VPS8: variants seen among roughly 807,000 people sequenced by gnomAD.
The protein encoded by VPS8 is vacuolar protein sorting-associated protein 8 homolog.
Under a neutral mutation model 216.4 loss-of-function variants are expected in VPS8, and 129 were observed. The observed-to-expected ratio is 0.60, with a 90% CI of 0.52 to 0.69. VPS8 has a LOEUF of 0.69. VPS8 is among the 30% of genes least tolerant of loss of function. VPS8 has a pLI of 0.00. For synonymous variants in VPS8, 571 were observed against 565.4 expected, an observed-to-expected ratio of 1.01 and a Z score of -0.14; for missense variants, 1,531 against 1,683.5, an observed-to-expected ratio of 0.91 and a Z score of 1.59.
chr3:184,993,895 A>T, intron 42 of VPS8, 88 bp from the exon 43 acceptor site: 1 of 1,043,082 alleles, frequency 9.6e-7, no homozygotes, highest in Non-Finnish European at 1.4e-6. Flanking sequence ...AAAAATACTT[A>T]AAAGCATTTG....
At chr3:184,969,428 C>CTT (rs869093296) in intron 39 of VPS8, among the ~76,000 whole-genome samples, 3 of 32,734 alleles carry the variant, frequency 9.2e-5, no homozygotes, top group African/African-American at 1.4e-4. Flanking sequence ...ACCCCCCCCC[C>CTT]TTTTTTTTTT....
At chr3:184,851,465 ATGTGTGTG>A (rs10657242) in intron 10 of VPS8, among the ~76,000 whole-genome samples, 1 of 150,934 alleles carries the variant, frequency 6.6e-6, no homozygotes. Context: ...ATGGATATTT[ATGTGTGTG>A]TGTGTGTGTG....
intron 46 of VPS8, among the ~76,000 whole-genome samples, chr3:185,025,653 A>G (rs1757240407): frequency 6.6e-6 from 1 of 152,230 alleles, no homozygotes; most frequent in African/African-American, 2.4e-5. Flanking sequence ...GATACTTAGA[A>G]CCATCACACT....
At chr3:185,026,262 C>T (rs1757332839) in intron 46 of VPS8, among the ~76,000 whole-genome samples, 1 of 151,974 alleles carries the variant, frequency 6.6e-6, no homozygotes, top group South Asian at 2.1e-4. Context: ...TATAAGTAAT[C>T]TAAAGATGAT....
intron 36 of VPS8, chr3:184,944,512 G>C (rs1743326453): frequency 1.0e-6 from 1 of 985,382 alleles, no homozygotes; most frequent in Non-Finnish European, 1.2e-6. Flanking sequence ...CTTATGCAGT[G>C]GGGATGCTTA....
intron 21 of VPS8, among the ~76,000 whole-genome samples, chr3:184,884,277 G>A (rs1478229947): frequency 6.6e-6 from 1 of 151,984 alleles, no homozygotes; most frequent in Non-Finnish European, 1.5e-5. Flanking sequence ...CTGTGTCCAA[G>A]TGTTCTCATT....
chr3:184,847,715 A>G (rs915336622), intron 8 of VPS8, among the ~76,000 whole-genome samples: 1 of 152,212 alleles, frequency 6.6e-6, no homozygotes, highest in African/African-American at 2.4e-5. Context: ...TATAATAATG[A>G]ACTCTAGACA....
intron 25 of VPS8, among the ~76,000 whole-genome samples, chr3:184,907,472 T>G (rs944355991): frequency 6.6e-6 from 1 of 152,230 alleles, no homozygotes; most frequent in African/African-American, 2.4e-5. Context: ...GGATCAGGTT[T>G]GCCTGACATT....
rs996592455 is a variant in VPS8, at chr3:184,954,738, G to A, written c.3036-2636G>A. On this transcript the variant is annotated intron_variant, in intron 36 of 47. Coordinates refer to ENST00000625842, the MANE Select transcript of VPS8 (RefSeq NM_001009921.3). The stretch of plus-strand genomic sequence containing the variant: ...CCCTCTATTCTTCGTTTTTGTGGGC[G>A]AAAGATTACCTAGGTGCCGAGGCAA... Among the ~76,000 whole-genome samples, 19 of 152,008 alleles carry A rather than the reference G, an allele frequency of 1.2e-4. 1 individual carries two copies. The highest frequency in any genetic ancestry group is 3.9e-4 in the African/African-American group (16 of 41,374).
intron 36 of VPS8, 27 bp downstream of exon 36, chr3:184,940,270 T>TA (rs1742424871): frequency 1.4e-5 from 8 of 579,900 alleles, no homozygotes; most frequent in Non-Finnish European, 1.8e-5. Context: ...TAGTCTTTCA[T>TA]TATATATATA....
At chr3:184,914,333 T>G (rs1424375083) in intron 26 of VPS8, among the ~76,000 whole-genome samples, 2 of 152,224 alleles carry the variant, frequency 1.3e-5, no homozygotes, top group East Asian at 3.8e-4. Flanking sequence ...TTGAAAATTG[T>G]AGTTTAAAAA....
chr3:184,834,922 A>C (rs1560309708), intron 5 of VPS8, 180 bp downstream of exon 5: 1 of 487,856 alleles, frequency 2.0e-6, no homozygotes. Context: ...ACGTCTTGAC[A>C]GAAATTAGTG....
intron 5 of VPS8, among the ~76,000 whole-genome samples, chr3:184,836,554 A>G (rs1314761501): frequency 6.6e-6 from 1 of 152,172 alleles, no homozygotes; most frequent in Admixed American, 6.5e-5. Flanking sequence ...TTTTTATTTG[A>G]TTGCTATGGC....
At chr3:184,821,428 C>A (rs926308342) in intron 1 of VPS8, among the ~76,000 whole-genome samples, 4 of 151,944 alleles carry the variant, frequency 2.6e-5, no homozygotes, top group Non-Finnish European at 4.4e-5. Flanking sequence ...ATTGCATCCT[C>A]CGCCTCCCGG....
rs548372808 is a variant in VPS8, at chr3:184,818,264, G to A, written c.-89+6039G>A. On this transcript the variant is annotated intron_variant, in intron 1 of 47. Coordinates refer to ENST00000625842, the MANE Select transcript of VPS8 (RefSeq NM_001009921.3). ...AAGTCCACTTGTGCTGGGCGTGGTG[G>A]CTTACACCTGTAATCCCAGCACTTT... Among the ~76,000 whole-genome samples, 13 of 152,274 alleles carry A rather than the reference G, an allele frequency of 8.5e-5. 1 individual carries two copies. The South Asian group carries it at 2.3e-3, about 27-fold the overall frequency.
chr3:184,894,559 T>G (rs1560562932), intron 22 of VPS8, 144 bp from the exon 23 acceptor site: 5 of 534,374 alleles, frequency 9.4e-6, no homozygotes, highest in South Asian at 4.4e-5. Context: ...TTTTGCAGTA[T>G]AAAACTCTGT....
intron 44 of VPS8, among the ~76,000 whole-genome samples, chr3:184,998,985 G>T (rs1323899151): frequency 6.6e-6 from 1 of 151,498 alleles, no homozygotes; most frequent in Non-Finnish European, 1.5e-5. Flanking sequence ...AGGTTCAAGC[G>T]ATTCTCATGC....
intron 46 of VPS8, among the ~76,000 whole-genome samples, chr3:185,026,623 C>T (rs1023261913): frequency 7.3e-5 from 11 of 151,078 alleles, no homozygotes; most frequent in African/African-American, 2.2e-4. Flanking sequence ...TGTTGGTCAG[C>T]TGGTCTCGAA....
intron 25 of VPS8, among the ~76,000 whole-genome samples, chr3:184,906,814 A>T (rs1404714566): frequency 2.0e-5 from 3 of 152,178 alleles, no homozygotes; most frequent in African/African-American, 7.2e-5. Context: ...TGTATTCCTT[A>T]GGTTTCTTTT....
Sources: gnomAD v4.1 joint callset for allele counts (sites outside exome capture counted in the v4.1 genomes callset) on GRCh38, gnomAD v4.1.1 for gene constraint, MANE v1.5 for transcripts, NCBI Gene and HGNC (gene_info 2026-07-23, HGNC 2026-07-21) for gene names.